The following GDPD4 variants were observed in gnomAD, a reference collection of about 807,000 sequenced individuals.
The protein encoded by GDPD4 is glycerophosphodiester phosphodiesterase 6.
Under a neutral mutation model 67.8 loss-of-function variants are expected in GDPD4, and 60 were observed. The observed-to-expected ratio is 0.88, with a 90% CI of 0.72 to 1.10. The LOEUF is 1.10. Among genes scored for constraint, GDPD4 ranks in the 50% least tolerant of loss-of-function variants. GDPD4 has a pLI of 0.00. For synonymous variants in GDPD4, 212 were observed against 210.9 expected (o/e 1.00, Z -0.04); for missense variants, 623 against 613.9 (o/e 1.01, Z -0.16).
chr11:77,279,475 C>G, intron 3 of GDPD4, 76 bp from the exon 4 acceptor site: 2 of 834,414 alleles, frequency 2.4e-6, no homozygotes, highest in African/African-American at 3.4e-5. Context: ...GGGACAAAAC[C>G]AGACTAGATA....
In GDPD4 at chr11:77,216,740, C is replaced by T. The variant is rs759178205; in HGVS notation, c.*537G>A. The T allele has an allele frequency of 6.7e-6, 4 of 592,636 alleles. No individual in the cohort carries two copies. Among genetic ancestry groups the T allele is most frequent in the Non-Finnish European group, 1.2e-5 (4 of 334,192 alleles). 36.7% of individuals were successfully genotyped at this position (592,636 alleles called of 1,614,324 possible). On this transcript the variant is annotated 3_prime_UTR_variant, in exon 17 of 17. Transcript: ENST00000315938. ...GAGAGCACAATGGTTCCCCTGAGAG[C>T]CTCCGTGGCCCTTCTGTGTGCCTTT...
chr11:77,274,936 C>T (rs529584684), intron 5 of GDPD4, among the ~76,000 whole-genome samples: 1 of 152,224 alleles, frequency 6.6e-6, no homozygotes, highest in Admixed American at 6.5e-5. Flanking sequence ...TTAATGAGAA[C>T]ATACCATTAG....
intron 5 of GDPD4, among the ~76,000 whole-genome samples, chr11:77,273,063 A>G (rs1400991377): frequency 1.3e-5 from 2 of 152,288 alleles, no homozygotes; most frequent in South Asian, 4.1e-4. Flanking sequence ...CAACCTAAAT[A>G]TATCTAGGTA....
intron 3 of GDPD4, among the ~76,000 whole-genome samples, chr11:77,282,421 G>A (rs970682530): frequency 6.6e-6 from 1 of 152,088 alleles, no homozygotes; most frequent in Non-Finnish European, 1.5e-5. Context: ...TTGGGAGGTC[G>A]AGCGGGCAGA....
chr11:77,296,037 G>T (rs1056006328), intron 1 of GDPD4, among the ~76,000 whole-genome samples: 6 of 151,930 alleles, frequency 3.9e-5, no homozygotes, highest in Non-Finnish European at 5.9e-5. Flanking sequence ...AGATCACGAG[G>T]CCAGGAGATT....
intron 3 of GDPD4, 27 bp from the exon 4 acceptor site, chr11:77,279,426 A>G: frequency 2.2e-6 from 3 of 1,392,378 alleles, no homozygotes; most frequent in Non-Finnish European, 3.1e-6. Flanking sequence ...TTCAGTTCTT[A>G]AAATAATGCA....
At chr11:77,288,865 T>C (rs1467190782) in intron 1 of GDPD4, among the ~76,000 whole-genome samples, 1 of 152,158 alleles carries the variant, frequency 6.6e-6, no homozygotes, top group Non-Finnish European at 1.5e-5. Flanking sequence ...ATATTAAATA[T>C]ACTCAATGAG....
chr11:77,233,181 A>G lies in GDPD4; in HGVS notation c.1242-9T>C, dbSNP rs1958486061. ...TAGCTGCTTTATAATCTCTGGAACA[A>G]AAACAGAACCCACAGGGGATTTAGA... is the stretch of plus-strand genomic sequence containing the variant. On this transcript the variant is annotated splice_polypyrimidine_tract_variant and intron_variant, in intron 13 of 16. Transcript: ENST00000315938. 2 of 1,611,862 alleles carry G rather than the reference A, an allele frequency of 1.2e-6. No individual in the cohort carries two copies. Among genetic ancestry groups the G allele is most frequent in the South Asian group, 1.1e-5 (1 of 90,972 alleles).
intron 10 of GDPD4, among the ~76,000 whole-genome samples, chr11:77,260,330 G>GC (rs1411096626): frequency 6.6e-6 from 1 of 151,064 alleles, no homozygotes; most frequent in Non-Finnish European, 1.5e-5. Context: ...GTCGGGGGAG[G>GC]GGGGGGAATA....
chr11:77,233,063 C>T lies in GDPD4; in HGVS notation c.1351G>A (p.Gly451Arg), dbSNP rs1958483114. Residue 451 changes from glycine (G) to arginine (R), a missense_variant, in exon 14 of 17, where the codon GGG (glycine) becomes AGG (arginine). Physicochemically the swap from Gly to Arg is moderately radical, Grantham distance 125. Coordinates refer to ENST00000315938, the MANE Select transcript of GDPD4 (RefSeq NM_182833.3). ...GGGTGATCAAGCTGACTCAGGAGCC[C>T]AATGTTGTCTGTGGTCACTGAGTTA... ...RINSVTTDNI[G>R]LLSQLDHPHF... 1 of 1,613,910 alleles carries T rather than the reference C, an allele frequency of 6.2e-7. No homozygotes were observed. Among genetic ancestry groups the T allele is most frequent in the Non-Finnish European group, 8.5e-7 (1 of 1,179,954 alleles).
chr11:77,231,616 T>C (rs112136458), intron 14 of GDPD4, among the ~76,000 whole-genome samples: 2,436 of 152,334 alleles, frequency 0.016, 23 homozygotes, highest in African/African-American at 0.025. Context: ...GATTTATTCA[T>C]TTAAATATTA....
intron 15 of GDPD4, among the ~76,000 whole-genome samples, chr11:77,228,464 TAC>T (rs1958387057): frequency 9.4e-6 from 1 of 106,730 alleles, no homozygotes; most frequent in Non-Finnish European, 1.7e-5. Flanking sequence ...CGTGACACTA[TAC>T]TCCAGCCTGG....
chr11:77,242,384 C>T (rs2135841702), intron 13 of GDPD4, among the ~76,000 whole-genome samples: 1 of 152,122 alleles, frequency 6.6e-6, no homozygotes, highest in African/African-American at 2.4e-5. Flanking sequence ...CAATTCTATA[C>T]TCATATACTT....
chr11:77,222,499 G>A (rs1467250698), intron 16 of GDPD4, among the ~76,000 whole-genome samples: 2 of 152,142 alleles, frequency 1.3e-5, no homozygotes, highest in Non-Finnish European at 2.9e-5. Context: ...TAGTTTGGCT[G>A]GATATGAAAT....
chr11:77,280,851 A>C (rs1314519649), intron 3 of GDPD4, among the ~76,000 whole-genome samples: 2 of 152,230 alleles, frequency 1.3e-5, no homozygotes, highest in African/African-American at 4.8e-5. Context: ...AAAGGGAGTG[A>C]AAAGAGCGAG....
chr11:77,222,525 C>CTT (rs1958247659), intron 16 of GDPD4, among the ~76,000 whole-genome samples: 1 of 149,256 alleles, frequency 6.7e-6, no homozygotes, highest in Non-Finnish European at 1.5e-5. Flanking sequence ...GTTGAAAATT[C>CTT]TTTTCTTTTC....
intron 11 of GDPD4, among the ~76,000 whole-genome samples, chr11:77,250,848 T>A (rs568993825): frequency 2.4e-4 from 36 of 152,342 alleles, no homozygotes; most frequent in African/African-American, 8.7e-4. Context: ...GTTGAGTGCA[T>A]GTATATTTAT....
intron 16 of GDPD4, among the ~76,000 whole-genome samples, chr11:77,223,063 A>C (rs1432883513): frequency 6.6e-6 from 1 of 152,188 alleles, no homozygotes; most frequent in African/African-American, 2.4e-5. Flanking sequence ...CATGGTTTTC[A>C]GCTCCATCAG....
chr11:77,283,735 AT>A (rs1191981389), intron 3 of GDPD4, among the ~76,000 whole-genome samples: 2 of 152,092 alleles, frequency 1.3e-5, no homozygotes, highest in African/African-American at 4.8e-5. Context: ...AAAACAAAAA[AT>A]TTCATCAAGA....
Sources: allele counts gnomAD v4.1 joint callset (sites outside exome capture counted in the v4.1 genomes callset), GRCh38; gene constraint gnomAD v4.1.1; transcripts MANE v1.5; gene names NCBI Gene and HGNC (gene_info 2026-07-23, HGNC 2026-07-21).